Variants in CEP70 observed in about 807,000 individuals in gnomAD.
CEP70 encodes centrosomal protein 70.
In CEP70, 70 loss-of-function variants were observed where a neutral mutation model predicts 90.9. The observed-to-expected ratio is 0.77, with a 90% confidence interval of 0.64 to 0.94. The LOEUF (loss-of-function observed/expected upper bound fraction) is 0.94, where lower values mean the gene tolerates loss of function less well. CEP70 is among the 40% of genes least tolerant of loss of function. CEP70 has a pLI of 0.00. For missense variants in CEP70, 648 were observed against 669.0 expected (o/e 0.97, Z 0.35); for synonymous variants, 220 against 228.3 (o/e 0.96, Z 0.33).
chr3:138,500,060 CCA>C (rs1560271865), intron 16 of CEP70, 48 bp downstream of exon 16: 1 of 1,273,978 alleles, frequency 7.8e-7, no homozygotes, highest in East Asian at 2.3e-5. Context: ...GCGTGTGCCA[CCA>C]CACCCAGCCA....
rs2041326252 is a variant in CEP70 at position 138,573,567 on chromosome 3, T to C, written c.-5-635A>G. The stretch of plus-strand genomic sequence containing the variant: ...CACAAAATAAATCTGAGAGTGTTCA[T>C]TGCATCTGCTCTGTAAAAAAATTCT... On this transcript the variant is annotated intron_variant, in intron 2 of 17. Coordinates refer to ENST00000264982, the MANE Select transcript of CEP70 (RefSeq NM_024491.4). Among the ~76,000 whole-genome samples the C allele has an allele frequency of 3.9e-5, 6 of 152,308 alleles. No homozygotes were observed. In the South Asian group the frequency reaches 8.3e-4, roughly 21 times the overall value.
At chr3:138,523,753 T>C (rs1391811668) in intron 11 of CEP70, among the ~76,000 whole-genome samples, 1 of 152,182 alleles carries the variant, frequency 6.6e-6, no homozygotes, top group Non-Finnish European at 1.5e-5. Context: ...GAACGTTCCA[T>C]GCTCATGGGT....
rs2038356099 is a variant in CEP70 at position 138,537,249 on chromosome 3, ATCT to A, written c.561_563del (p.Glu187del). The A allele has an allele frequency of 6.2e-7, 1 of 1,607,986 alleles. No homozygotes were observed. The highest frequency in any genetic ancestry group is 8.5e-7 in the Non-Finnish European group (1 of 1,177,514). On this transcript the variant is annotated inframe_deletion, in exon 7 of 18. Coordinates refer to ENST00000264982, the MANE Select transcript of CEP70 (RefSeq NM_024491.4). ...ACACTCTGTTTTGAGTGACAATGCG[ATCT>A]TCTTCCTCCTTTTTTAATCTACAGA...
intron 6 of CEP70, among the ~76,000 whole-genome samples, chr3:138,542,940 A>C (rs2038885508): frequency 6.6e-6 from 1 of 152,174 alleles, no homozygotes; most frequent in Non-Finnish European, 1.5e-5. Flanking sequence ...TGAGTTGATG[A>C]GTCCCTGAGT....
intron 8 of CEP70, chr3:138,530,549 A>G (rs2037723168): frequency 1.0e-6 from 1 of 984,464 alleles, no homozygotes; most frequent in South Asian, 4.7e-5. Flanking sequence ...ACTGGCCTTA[A>G]AAAAATGGAC....
At chr3:138,518,328 A>T (rs1175229000) in intron 11 of CEP70, among the ~76,000 whole-genome samples, 1 of 152,194 alleles carries the variant, frequency 6.6e-6, no homozygotes, top group Non-Finnish European at 1.5e-5. Context: ...AGCTTTGGAT[A>T]GAGTAGTGGT....
At chr3:138,522,539 G>T (rs913893355) in intron 11 of CEP70, among the ~76,000 whole-genome samples, 7 of 152,090 alleles carry the variant, frequency 4.6e-5, no homozygotes, top group African/African-American at 1.4e-4. Context: ...TGATAAAGGG[G>T]ATATCACCAC....
chr3:138,564,281 G>A (rs2040621005), intron 6 of CEP70, among the ~76,000 whole-genome samples: 1 of 152,152 alleles, frequency 6.6e-6, no homozygotes, highest in African/African-American at 2.4e-5. Flanking sequence ...AAGAGGAGCT[G>A]GTACCTTTCC....
rs375383758 is a variant in CEP70 at position 138,591,798 on chromosome 3, T to C, written c.-6+56A>G. ...ACCTAGTATAGTACTCAATAAATAT[T>C]AGATTTTTTTCCATGGCCTCCCAAC... On this transcript the variant is annotated intron_variant, in intron 2 of 17. Coordinates refer to ENST00000264982, the MANE Select transcript of CEP70 (RefSeq NM_024491.4). The C allele has an allele frequency of 6.7e-5, 95 of 1,417,146 alleles. No individual in the cohort carries two copies. The East Asian group carries it at 1.3e-3, about 19-fold the overall frequency. 87.8% of individuals were successfully genotyped at this position (1,417,146 alleles called of 1,614,324 possible). A position where few individuals can be genotyped will look rare whatever the true frequency, so the allele number is the denominator to read the frequency against.
intron 11 of CEP70, among the ~76,000 whole-genome samples, chr3:138,515,259 C>T (rs1458165966): frequency 6.6e-6 from 1 of 151,902 alleles, no homozygotes; most frequent in Non-Finnish European, 1.5e-5. Flanking sequence ...TTTAAAGACA[C>T]CTTTAAAATA....
Position 138,508,488 on chromosome 3 carries a change from G to C in CEP70, c.1001C>G (p.Pro334Arg). 6.2e-7 allele frequency: 1 copy of C among 1,612,756 alleles called. No homozygotes were observed. Among genetic ancestry groups the C allele is most frequent in the Non-Finnish European group, 8.5e-7 (1 of 1,179,138 alleles). Residue 334 changes from proline (P) to arginine (R), a missense_variant, in exon 12 of 18, where the codon CCC becomes CGC. Pro to Arg is a moderately radical substitution (Grantham distance 103). Transcript: ENST00000264982. ...KAEDTEKKDE[P>R]SKYNQQQALI... is the part of the protein sequence containing the mutation. ...GGCCTGTTGCTGATTATATTTGCTG[G>C]GCTCATCTTTCTTCTCTGTGTCCTC...
At chr3:138,506,269 A>G (rs1481350657) in intron 12 of CEP70, among the ~76,000 whole-genome samples, 1 of 152,140 alleles carries the variant, frequency 6.6e-6, no homozygotes, top group Non-Finnish European at 1.5e-5. Context: ...GGATCACTTG[A>G]GCCCAGGAAT....
chr3:138,565,611 G>C (rs1024951656), intron 6 of CEP70, among the ~76,000 whole-genome samples: 1 of 152,164 alleles, frequency 6.6e-6, no homozygotes, highest in Non-Finnish European at 1.5e-5. Context: ...TTTAATAAAT[G>C]GTGCTGGGAA....
In CEP70 at chr3:138,497,266, T is replaced by C. The variant is rs1354470685; in HGVS notation, c.1732+765A>G. The C allele has an allele frequency of 3.2e-6, 4 of 1,269,648 alleles. No individual in the cohort carries two copies. The East Asian group carries it at 2.3e-4, about 72-fold the overall frequency. 78.6% of individuals were successfully genotyped at this position (1,269,648 alleles called of 1,614,324 possible). Reference sequence around the variant, plus strand: ...ACTTATTCTTCTTATCAAGTTTTCATTGACTCATTCCCTTATTTTCATACC... The same window carrying C: ...ACTTATTCTTCTTATCAAGTTTTCACTGACTCATTCCCTTATTTTCATACC... On this transcript the variant is annotated intron_variant, in intron 17 of 17. Transcript: ENST00000264982.
chr3:138,507,941 G>A (rs1055472406), intron 12 of CEP70, among the ~76,000 whole-genome samples: 2 of 152,118 alleles, frequency 1.3e-5, no homozygotes, highest in Admixed American at 1.3e-4. Flanking sequence ...TGAAAGTCCA[G>A]TTCAGTCACT....
At chr3:138,578,096 C>T (rs1297234662) in intron 2 of CEP70, among the ~76,000 whole-genome samples, 4 of 152,204 alleles carry the variant, frequency 2.6e-5, no homozygotes, top group African/African-American at 7.2e-5. Context: ...TCCATGGATG[C>T]TCAAGTTCCT....
chr3:138,529,564 A>G, intron 8 of CEP70, 102 bp from the exon 9 acceptor site: 1 of 699,970 alleles, frequency 1.4e-6, no homozygotes, highest in Non-Finnish European at 2.4e-6. Flanking sequence ...AACATGAATT[A>G]AAATTAATCC....
intron 6 of CEP70, among the ~76,000 whole-genome samples, chr3:138,543,682 C>G (rs1350665460): frequency 6.6e-6 from 1 of 152,190 alleles, no homozygotes; most frequent in Non-Finnish European, 1.5e-5. Context: ...CTTACAGCAG[C>G]TGCTTCAGAT....
At chr3:138,553,495 A>C (rs1295993851) in intron 6 of CEP70, among the ~76,000 whole-genome samples, 1 of 151,900 alleles carries the variant, frequency 6.6e-6, no homozygotes, top group South Asian at 2.1e-4. Flanking sequence ...GACAAAAAAA[A>C]AAAAATCCAG....
Sources: allele counts gnomAD v4.1 joint callset (sites outside exome capture counted in the v4.1 genomes callset), GRCh38; gene constraint gnomAD v4.1.1; transcripts MANE v1.5; gene names NCBI Gene and HGNC (gene_info 2026-07-23, HGNC 2026-07-21).